Variants in ARHGAP15 observed in about 807,000 individuals in gnomAD.
ARHGAP15 encodes the protein Rho GTPase activating protein 15.
A neutral mutation model predicts 63.7 loss-of-function variants in ARHGAP15; 51 were observed. The ratio of observed to expected loss-of-function variants is 0.80; its 90% CI spans 0.64 to 1.01. ARHGAP15 has a LOEUF of 1.01. Ranked by LOEUF, ARHGAP15 falls within the 50% of genes least tolerant of loss-of-function variation. ARHGAP15 has a pLI of 0.00. For synonymous variants in ARHGAP15, 191 were observed against 193.8 expected (o/e 0.99, Z 0.12); for missense variants, 560 against 564.6 (o/e 0.99, Z 0.08).
chr2:143,225,156 G>A (rs1693156461), intron 4 of ARHGAP15, among the ~76,000 whole-genome samples: 1 of 152,084 alleles, frequency 6.6e-6, no homozygotes, highest in Admixed American at 6.5e-5. Context: ...TTTTGGACAC[G>A]GAATGGTGCA....
At chr2:143,697,061 G>C (rs186664087) in intron 12 of ARHGAP15, among the ~76,000 whole-genome samples, 2 of 152,142 alleles carry the variant, frequency 1.3e-5, no homozygotes, top group African/African-American at 4.8e-5. Context: ...CCAACTACGG[G>C]CTACGCTCAA....
intron 6 of ARHGAP15, among the ~76,000 whole-genome samples, chr2:143,345,624 G>A (rs1158412899): frequency 6.6e-6 from 1 of 151,938 alleles, no homozygotes; most frequent in Non-Finnish European, 1.5e-5. Context: ...CACACACATT[G>A]CCTAAATTCA....
chr2:143,536,201 C>T (rs1014531618), intron 10 of ARHGAP15, among the ~76,000 whole-genome samples: 6 of 152,058 alleles, frequency 3.9e-5, no homozygotes, highest in Admixed American at 3.3e-4. Flanking sequence ...TCATTCCTAC[C>T]GTCCGCCTAA....
intron 6 of ARHGAP15, among the ~76,000 whole-genome samples, chr2:143,407,436 A>G (rs926536046): frequency 5.9e-5 from 9 of 151,804 alleles, no homozygotes; most frequent in Non-Finnish European, 4.4e-5. Flanking sequence ...TTTGGGATCT[A>G]TTTTCATCTA....
At chr2:143,518,407 C>T (rs1693914475) in intron 9 of ARHGAP15, among the ~76,000 whole-genome samples, 1 of 152,182 alleles carries the variant, frequency 6.6e-6, no homozygotes, top group Non-Finnish European at 1.5e-5. Flanking sequence ...TTCTCGGAAA[C>T]ATTAGTCTGG....
At chr2:143,319,048 C>T (rs1483637078) in intron 6 of ARHGAP15, among the ~76,000 whole-genome samples, 1 of 152,014 alleles carries the variant, frequency 6.6e-6, no homozygotes, top group Admixed American at 6.6e-5. Context: ...TGTGTAGTTA[C>T]CTACTTTTCC....
intron 12 of ARHGAP15, among the ~76,000 whole-genome samples, chr2:143,659,422 A>T (rs936051083): frequency 1.3e-5 from 2 of 152,170 alleles, no homozygotes; most frequent in Non-Finnish European, 2.9e-5. Context: ...TTTTAAAAAA[A>T]ATTCTATTTG....
intron 11 of ARHGAP15, among the ~76,000 whole-genome samples, chr2:143,574,320 C>T (rs2105128125): frequency 6.6e-6 from 1 of 152,196 alleles, no homozygotes; most frequent in East Asian, 1.9e-4. Context: ...AAAGACCTTC[C>T]TTATTGTAGA....
intron 10 of ARHGAP15, among the ~76,000 whole-genome samples, chr2:143,536,792 GTTC>G (rs1694790098): frequency 6.6e-6 from 1 of 151,612 alleles, no homozygotes; most frequent in Non-Finnish European, 1.5e-5. Context: ...ATTTGGGTTG[GTTC>G]CAAGTCTTTG....
At chr2:143,367,518 C>T (rs1197705109) in intron 6 of ARHGAP15, among the ~76,000 whole-genome samples, 2 of 151,962 alleles carry the variant, frequency 1.3e-5, no homozygotes, top group African/African-American at 4.8e-5. Flanking sequence ...CTAATTGGCT[C>T]CATTTTTATT....
Position 143,155,591 on chromosome 2 carries a change from A to G in ARHGAP15, c.101A>G (p.His34Arg). The G allele has an allele frequency of 6.2e-7, 1 of 1,609,308 alleles. No individual in the cohort carries two copies. The highest frequency in any genetic ancestry group is 2.2e-5 in the East Asian group (1 of 44,688). ...ATGAGAATCAAAAATGCCAACAGCC[A>G]CCATGACAGGCTCAGCCAAAGTAAA... ...VQMRIKNANS[H>R]HDRLSQSKSM... Residue 34 changes from histidine (H) to arginine (R), a missense_variant, in exon 2 of 14, where the codon CAC becomes CGC. By Grantham distance (29) the His-to-Arg change is conservative. Coordinates refer to ENST00000295095, the MANE Select transcript of ARHGAP15 (RefSeq NM_018460.4).
intron 12 of ARHGAP15, among the ~76,000 whole-genome samples, chr2:143,638,845 C>A (rs983393011): frequency 6.6e-6 from 1 of 151,884 alleles, no homozygotes; most frequent in Non-Finnish European, 1.5e-5. Context: ...CATATGATTA[C>A]AATTCTAATT....
In ARHGAP15 at chr2:143,295,978, C is replaced by G. The variant is rs201300357; in HGVS notation, c.474+45378C>G. On this transcript the variant is annotated intron_variant, in intron 6 of 13. Transcript: ENST00000295095. ...TAAGAAATGTGCCTCGCTGTCACCA[C>G]ATTTCTGGGCCTCTACGGCTTGTTA... Among the ~76,000 whole-genome samples the G allele has an allele frequency of 3.9e-5, 6 of 152,126 alleles. No individual in the cohort carries two copies. In the East Asian group the frequency reaches 1.2e-3, roughly 29 times the overall value.
chr2:143,188,972 C>T (rs1691562762), intron 2 of ARHGAP15, among the ~76,000 whole-genome samples: 1 of 151,842 alleles, frequency 6.6e-6, no homozygotes, highest in African/African-American at 2.4e-5. Context: ...TCAAATCCTT[C>T]ATTTTGCCTA....
At chr2:143,483,734 GCTCAGAATGA>G (rs1191871078) in intron 8 of ARHGAP15, among the ~76,000 whole-genome samples, 2 of 152,214 alleles carry the variant, frequency 1.3e-5, no homozygotes, top group Non-Finnish European at 1.5e-5. Flanking sequence ...TTGTTAAGAT[GCTCAGAATGA>G]CTCTTCCAAC....
intron 4 of ARHGAP15, among the ~76,000 whole-genome samples, chr2:143,221,013 C>T (rs966560550): frequency 2.0e-4 from 30 of 151,916 alleles, no homozygotes; most frequent in African/African-American, 6.3e-4. Flanking sequence ...AGAATTTAGC[C>T]CTGACCTCTG....
At chr2:143,608,797 C>T (rs1698146465) in intron 11 of ARHGAP15, 1 of 152,118 alleles carries the variant, frequency 6.6e-6, no homozygotes, top group Non-Finnish European at 1.5e-5. Flanking sequence ...AGTGATAATC[C>T]TGATGCAGTT....
chr2:143,502,975 C>G (rs1693136904), intron 9 of ARHGAP15, among the ~76,000 whole-genome samples: 1 of 151,852 alleles, frequency 6.6e-6, no homozygotes, highest in South Asian at 2.1e-4. Context: ...CTGACCAGGA[C>G]CATGGACATC....
At chr2:143,479,995 A>G (rs769646190) in intron 8 of ARHGAP15, among the ~76,000 whole-genome samples, 2 of 152,164 alleles carry the variant, frequency 1.3e-5, no homozygotes, top group African/African-American at 2.4e-5. Flanking sequence ...GAAGTTATCA[A>G]TCATCATTAT....
Sources: allele counts gnomAD v4.1 joint callset (sites outside exome capture counted in the v4.1 genomes callset), GRCh38; gene constraint gnomAD v4.1.1; transcripts MANE v1.5; gene names NCBI Gene and HGNC (gene_info 2026-07-23, HGNC 2026-07-21).